The following ADCY2 variants were observed in gnomAD, a reference collection of about 807,000 sequenced individuals.
ADCY2 encodes adenylate cyclase type 2.
Under a neutral mutation model 125.2 loss-of-function variants are expected in ADCY2, and 31 were observed. The observed-to-expected ratio is 0.25, with a 90% CI of 0.19 to 0.33. The LOEUF (loss-of-function observed/expected upper bound fraction) is 0.33, where lower values mean the gene tolerates loss of function less well. ADCY2 is among the 10% of genes least tolerant of loss of function. ADCY2 has a pLI of 1.00. For missense variants in ADCY2, 904 were observed against 1,418.2 expected (o/e 0.64, Z 5.82); for synonymous variants, 512 against 548.4 (o/e 0.93, Z 0.93).
At chr5:7,729,869 A>C (rs923147460) in intron 14 of ADCY2, among the ~76,000 whole-genome samples, 1 of 149,548 alleles carries the variant, frequency 6.7e-6, no homozygotes, top group South Asian at 2.1e-4. Context: ...TTATATATTT[A>C]CATGTTTTTA....
intron 3 of ADCY2, among the ~76,000 whole-genome samples, chr5:7,567,616 G>T (rs1735942731): frequency 6.6e-6 from 1 of 152,074 alleles, no homozygotes; most frequent in Admixed American, 6.6e-5. Flanking sequence ...AGTTAATATG[G>T]TTGTGTTGAG....
chr5:7,400,240 GA>G (rs1739213779), intron 1 of ADCY2, among the ~76,000 whole-genome samples: 1 of 152,078 alleles, frequency 6.6e-6, no homozygotes, highest in African/African-American at 2.4e-5. Context: ...AAATAAAGTA[GA>G]TTTTTTTTAG....
chr5:7,514,610 T>C (rs1744190149), intron 2 of ADCY2, among the ~76,000 whole-genome samples: 2 of 152,180 alleles, frequency 1.3e-5, no homozygotes, highest in African/African-American at 4.8e-5. Context: ...GTGACCCTTA[T>C]TTGAAAATAG....
intron 2 of ADCY2, among the ~76,000 whole-genome samples, chr5:7,458,074 T>A (rs984878224): frequency 6.6e-6 from 1 of 152,196 alleles, no homozygotes; most frequent in African/African-American, 2.4e-5. Flanking sequence ...TGGTTTTACA[T>A]GTCCTCAGGG....
chr5:7,397,880 C>T (rs949668157), intron 1 of ADCY2, among the ~76,000 whole-genome samples: 77 of 152,112 alleles, frequency 5.1e-4, no homozygotes, highest in African/African-American at 1.7e-3. Context: ...GATAGGAGTC[C>T]GGAGAAACCC....
At chr5:7,698,818 T>G (rs1740979378) in intron 7 of ADCY2, among the ~76,000 whole-genome samples, 1 of 152,242 alleles carries the variant, frequency 6.6e-6, no homozygotes, top group African/African-American at 2.4e-5. Flanking sequence ...TCCAAGACTT[T>G]GCTATTGTGA....
chr5:7,601,289 A>G (rs181165598), intron 3 of ADCY2, among the ~76,000 whole-genome samples: 11 of 152,210 alleles, frequency 7.2e-5, no homozygotes, highest in Non-Finnish European at 1.3e-4. Flanking sequence ...TAATAGCTCA[A>G]TTTTAAACAA....
In ADCY2 at chr5:7,662,684, CG is replaced by C. The variant is rs1228956042; in HGVS notation, c.721-28005del. On this transcript the variant is annotated intron_variant, in intron 4 of 24. Coordinates refer to ENST00000338316, the MANE Select transcript of ADCY2 (RefSeq NM_020546.3). ...TATTCTCTTACCCCCAAAGCCACCG[CG>C]GTTTCCTCCATCATCCTTAGCCTCA... Among the ~76,000 whole-genome samples, 7 of 152,336 alleles carry C rather than the reference CG, an allele frequency of 4.6e-5. No homozygotes were observed. The East Asian group carries it at 1.4e-3, about 29-fold the overall frequency.
intron 2 of ADCY2, among the ~76,000 whole-genome samples, chr5:7,497,973 T>C (rs181634201): frequency 1.2e-4 from 19 of 152,262 alleles, no homozygotes; most frequent in African/African-American, 3.8e-4. Context: ...TCATTGAAAC[T>C]GGAAGCATGG....
chr5:7,635,802 A>C (rs932823702), intron 4 of ADCY2, among the ~76,000 whole-genome samples: 18 of 152,214 alleles, frequency 1.2e-4, no homozygotes, highest in African/African-American at 4.1e-4. Context: ...AGTCACTGAG[A>C]AAAATCAACC....
intron 1 of ADCY2, among the ~76,000 whole-genome samples, chr5:7,399,024 G>A (rs774213432): frequency 1.3e-4 from 20 of 152,218 alleles, no homozygotes; most frequent in African/African-American, 4.6e-4. Flanking sequence ...GCAGGGCTTC[G>A]CTTCAGAGAG....
At chr5:7,768,712 G>A (rs1043308255) in intron 17 of ADCY2, among the ~76,000 whole-genome samples, 3 of 152,124 alleles carry the variant, frequency 2.0e-5, no homozygotes, top group Non-Finnish European at 2.9e-5. Context: ...GTGGGGAAAG[G>A]CAACATTTAC....
At chr5:7,548,211 T>G (rs1453593388) in intron 3 of ADCY2, among the ~76,000 whole-genome samples, 2 of 151,950 alleles carry the variant, frequency 1.3e-5, no homozygotes, top group Non-Finnish European at 2.9e-5. Context: ...ATAGGTGAAC[T>G]ATTTCTTTTT....
chr5:7,721,408 T>C (rs541062079), intron 12 of ADCY2, among the ~76,000 whole-genome samples: 5 of 152,330 alleles, frequency 3.3e-5, no homozygotes, highest in African/African-American at 1.2e-4. Flanking sequence ...TTAATTAGCA[T>C]CCATTTGTCA....
intron 3 of ADCY2, among the ~76,000 whole-genome samples, chr5:7,624,138 C>T (rs1173807219): frequency 6.6e-6 from 1 of 152,150 alleles, no homozygotes; most frequent in Non-Finnish European, 1.5e-5. Flanking sequence ...GAGAGAACCT[C>T]GTCACATCAT....
At chr5:7,804,469 T>C in intron 21 of ADCY2, 116 bp from the exon 22 acceptor site, 2 of 798,470 alleles carry the variant, frequency 2.5e-6, no homozygotes, top group Non-Finnish European at 4.4e-6. Context: ...GCATACGCAG[T>C]GGTTGAAACA....
At chr5:7,514,585 G>A (rs766167333) in intron 2 of ADCY2, among the ~76,000 whole-genome samples, 6 of 152,254 alleles carry the variant, frequency 3.9e-5, no homozygotes, top group Middle Eastern at 3.4e-3. Flanking sequence ...GTCCTAATCC[G>A]CAGTACTTGT....
At chr5:7,819,853 C>T (rs1436427908) in intron 23 of ADCY2, among the ~76,000 whole-genome samples, 1 of 152,192 alleles carries the variant, frequency 6.6e-6, no homozygotes, top group African/African-American at 2.4e-5. Flanking sequence ...AAATCAAGCA[C>T]ACTCCTACAC....
intron 3 of ADCY2, among the ~76,000 whole-genome samples, chr5:7,572,940 C>T (rs73048141): frequency 0.028 from 4,259 of 152,106 alleles, 185 homozygotes; most frequent in African/African-American, 0.097. Context: ...TGAGTCTTTA[C>T]AGAAGTAATT....
Sources: allele counts gnomAD v4.1 joint callset (sites outside exome capture counted in the v4.1 genomes callset), GRCh38; gene constraint gnomAD v4.1.1; transcripts MANE v1.5; gene names NCBI Gene and HGNC (gene_info 2026-07-23, HGNC 2026-07-21).